ATM: variants seen among roughly 807,000 people sequenced by gnomAD.
ATM encodes the protein ATM serine/threonine kinase.
In ATM, 308 loss-of-function variants were observed where a neutral mutation model predicts 387.0. The observed-to-expected ratio is 0.80, with a 90% CI of 0.73 to 0.87. The LOEUF is 0.87. Among genes scored for constraint, ATM ranks in the 40% least tolerant of loss-of-function variants. ATM has a pLI of 0.00. For missense variants in ATM, 3,312 were observed against 3,560.9 expected (o/e 0.93, Z 1.78); for synonymous variants, 1,156 against 1,187.3 (o/e 0.97, Z 0.54).
intron 61 of ATM, among the ~76,000 whole-genome samples, chr11:108,360,327 C>G (rs1187122172): frequency 2.0e-5 from 3 of 151,798 alleles, no homozygotes; most frequent in Non-Finnish European, 4.4e-5. Context: ...CAAAAAGAGT[C>G]CAGGACCAGA....
intron 18 of ATM, among the ~76,000 whole-genome samples, chr11:108,269,561 C>T (rs1455735133): frequency 6.6e-6 from 1 of 152,182 alleles, no homozygotes; most frequent in Non-Finnish European, 1.5e-5. Context: ...AATGCATTTA[C>T]TTATTTGCTC....
intron 52 of ATM, 43 bp downstream of exon 52, chr11:108,332,080 C>T: frequency 6.2e-7 from 1 of 1,603,760 alleles, no homozygotes; most frequent in Non-Finnish European, 8.5e-7. Context: ...GTGTGATATT[C>T]AGTCTTTCCT....
intron 17 of ATM, among the ~76,000 whole-genome samples, chr11:108,267,837 G>C (rs1421538288): frequency 6.6e-6 from 1 of 152,198 alleles, no homozygotes; most frequent in Non-Finnish European, 1.5e-5. Context: ...CAGCCTGGGC[G>C]ACAGAGCGAG....
At chr11:108,327,807 C>T (rs1478346049) in intron 48 of ATM, 49 bp downstream of exon 48, 2 of 1,334,210 alleles carry the variant, frequency 1.5e-6, no homozygotes, top group East Asian at 2.4e-5. Context: ...CATGAATATG[C>T]TTCATCTTTT....
At position 108,299,315 on chromosome 11, in the gene ATM, C is replaced by CT. The variant is rs34021496; in HGVS notation, c.5006-386dup. Among the ~76,000 whole-genome samples, 848 of 143,340 alleles carry CT rather than the reference C, an allele frequency of 5.9e-3. 10 individuals carry two copies. The highest frequency in any genetic ancestry group is 0.015 in the South Asian group (66 of 4,546). The allele number at this position is 143,340 out of a possible 152,430, so 94.0% of individuals were successfully genotyped here. ...CAGTTTTAAGGTTGATTCTCTCTCT[C>CT]TTTTTTTTTTTTTCTTTTGTCACCC... On this transcript the variant is annotated intron_variant, in intron 33 of 62. Transcript: ENST00000675843.
At chr11:108,248,566 A>T (rs923673332) in intron 8 of ATM, among the ~76,000 whole-genome samples, 2 of 151,974 alleles carry the variant, frequency 1.3e-5, no homozygotes, top group Middle Eastern at 3.2e-3. Flanking sequence ...TTTCCCCCTA[A>T]TGAAATATTA....
Position 108,365,629 on chromosome 11 carries a change from T to C in ATM, c.*121T>C, listed in dbSNP as rs1226579536. On this transcript the variant is annotated 3_prime_UTR_variant, in exon 63 of 63. Transcript: ENST00000675843. ...ATTTAAGTGAACTATTGTGGGTTTT[T>C]TTGAATGTTGGTTTTAATACTTGAT... 3.2e-6 allele frequency: 4 copies of C among 1,267,292 alleles called. No individual in the cohort carries two copies. Among genetic ancestry groups the C allele is most frequent in the African/African-American group, 3.0e-5 (2 of 66,202 alleles). The allele number at this position is 1,267,292 out of a possible 1,614,324, so 78.5% of individuals were successfully genotyped here.
chr11:108,286,713 T>A (rs887700130), intron 26 of ATM, among the ~76,000 whole-genome samples: 5 of 152,138 alleles, frequency 3.3e-5, no homozygotes, highest in Non-Finnish European at 7.4e-5. Flanking sequence ...TTCTAGGAGG[T>A]CAGCATGGAT....
chr11:108,260,195 C>T (rs766803297), intron 16 of ATM, among the ~76,000 whole-genome samples: 14 of 152,006 alleles, frequency 9.2e-5, no homozygotes, highest in South Asian at 2.1e-4. Context: ...CCACCACAAC[C>T]GGCTAATTTT....
chr11:108,343,394 GGTTATT>G, intron 57 of ATM, 23 bp downstream of exon 57: 1 of 1,613,006 alleles, frequency 6.2e-7, no homozygotes, highest in South Asian at 1.1e-5. Flanking sequence ...CAAAATTAAA[GGTTATT>G]GTAAGATTAT....
chr11:108,245,986 A>G (rs1341828055), intron 7 of ATM, among the ~76,000 whole-genome samples: 1 of 151,926 alleles, frequency 6.6e-6, no homozygotes, highest in Non-Finnish European at 1.5e-5. Flanking sequence ...CACCATGCCC[A>G]GCTAATTTTT....
chr11:108,301,167 A>T (rs1017468989), intron 34 of ATM, among the ~76,000 whole-genome samples: 39 of 152,182 alleles, frequency 2.6e-4, no homozygotes, highest in African/African-American at 8.7e-4. Context: ...TTCATTTCAT[A>T]GTAATTCGAA....
At chr11:108,224,956 C>T (rs917837202) in intron 1 of ATM, 1 of 152,174 alleles carries the variant, frequency 6.6e-6, no homozygotes, top group Non-Finnish European at 1.5e-5. Flanking sequence ...TGAGCATCTT[C>T]TGTTTATGTA....
At position 108,365,195 on chromosome 11, in the gene ATM, C is replaced by T. The variant is rs969795398; in HGVS notation, c.8964C>T (p.Asp2988=). 5 of 1,614,038 alleles carry T rather than the reference C, an allele frequency of 3.1e-6. No homozygotes were observed. The African/African-American group carries it at 6.7e-5, about 22-fold the overall frequency. Residue 2988 remains aspartate, a synonymous_variant, in exon 62 of 63, where the codon GAC becomes GAT. Transcript: ENST00000675843. ...TTCACCCTACTCTGAATGCAGATGA[C>T]CAAGAATGCAAACGAAATCTCAGGT... ...TELHPTLNAD[D]QECKRNLSDI...
At position 108,368,028 on chromosome 11, in the gene ATM, G is replaced by A. The variant is rs534162872; in HGVS notation, c.*2520G>A. ...TTGTAGCTAATTCTTGCTAGTTGTT[G>A]CATCCAGAGAGCTTTGAATAACATC... is the stretch of plus-strand genomic sequence containing the variant. On this transcript the variant is annotated 3_prime_UTR_variant, in exon 63 of 63. Transcript: ENST00000675843. 68 of 206,868 alleles carry A rather than the reference G, an allele frequency of 3.3e-4. No homozygotes were observed. The highest frequency in any genetic ancestry group is 1.5e-3 in the African/African-American group (67 of 43,934). 12.8% of individuals were successfully genotyped at this position (206,868 alleles called of 1,614,324 possible). A position where few individuals can be genotyped will look rare whatever the true frequency, so the allele number is the denominator to read the frequency against.
intron 57 of ATM, among the ~76,000 whole-genome samples, chr11:108,344,724 G>A (rs1259167278): frequency 1.3e-5 from 2 of 152,002 alleles, no homozygotes; most frequent in African/African-American, 2.4e-5. Context: ...AGGTTGGGGG[G>A]CGGGTGTGGT....
At position 108,366,692 on chromosome 11, in the gene ATM, C is replaced by CAT. The variant is rs1310836143; in HGVS notation, c.*1184_*1185insAT. On this transcript the variant is annotated 3_prime_UTR_variant, in exon 63 of 63. Coordinates refer to ENST00000675843, the MANE Select transcript of ATM (RefSeq NM_000051.4). ...CCATACCTGAAGTGTAGCATAAATA[C>CAT]TGATAGGAGATTTCCCAGGCCAAGG... 1 of 231,138 alleles carries CAT rather than the reference C, an allele frequency of 4.3e-6. No individual in the cohort carries two copies. The highest frequency in any genetic ancestry group is 5.6e-5 in the Admixed American group (1 of 17,716). 14.3% of individuals were successfully genotyped at this position (231,138 alleles called of 1,614,324 possible).
chr11:108,335,809 A>T (rs2086774356), intron 55 of ATM, 36 bp from the exon 56 acceptor site: 2 of 1,535,180 alleles, frequency 1.3e-6, no homozygotes, highest in African/African-American at 2.7e-5. Context: ...AATAAAATAA[A>T]CTGTACTTGT....
intron 31 of ATM, among the ~76,000 whole-genome samples, chr11:108,293,752 CT>C (rs2135817695): frequency 6.6e-6 from 1 of 151,210 alleles, no homozygotes; most frequent in South Asian, 2.1e-4. Flanking sequence ...GTGATATGTG[CT>C]TGTAGAATCA....
Sources: allele counts gnomAD v4.1 joint callset (sites outside exome capture counted in the v4.1 genomes callset), GRCh38; gene constraint gnomAD v4.1.1; transcripts MANE v1.5; gene names NCBI Gene and HGNC (gene_info 2026-07-23, HGNC 2026-07-21).